The following ATG4A variants were observed in gnomAD, a reference collection of about 807,000 sequenced individuals.
ATG4A encodes cysteine protease ATG4A.
Under a neutral mutation model 38.4 loss-of-function variants are expected in ATG4A, and 22 were observed. That is an observed-to-expected ratio of 0.57 (90% CI 0.41 to 0.82). The LOEUF is 0.82. ATG4A is among the 40% of genes least tolerant of loss of function. The pLI, the probability that ATG4A is intolerant of heterozygous loss-of-function variation, is 0.00. For synonymous variants in ATG4A, 86 were observed against 100.7 expected (o/e 0.85, Z 0.88); for missense variants, 220 against 290.0 (o/e 0.76, Z 1.75).
At chrX:108,126,906 C>T (rs749347044) in intron 2 of ATG4A, 4 of 452,990 alleles carry the variant, frequency 8.8e-6, no homozygotes, top group Non-Finnish European at 1.1e-5. Flanking sequence ...GAGACATCCT[C>T]TTCAGAGGCC....
chrX:108,088,970 G>A, upstream of ATG4A: 1 of 489,047 alleles, frequency 2.0e-6, no homozygotes, highest in Middle Eastern at 3.7e-4. Flanking sequence ...TGGATCCTCA[G>A]GTAGGTAACC....
rs935930949 is a variant in ATG4A at position 108,109,683 on chromosome X, C to T, written c.11-16394C>T. 4.5e-5 allele frequency among the ~76,000 whole-genome samples: 5 copies of T among 112,096 alleles called. No homozygotes were observed. In the South Asian group the frequency reaches 1.9e-3, roughly 42 times the overall value. On this transcript the variant is annotated intron_variant, in intron 1 of 12. Coordinates refer to ENST00000372232, the MANE Select transcript of ATG4A (RefSeq NM_052936.5). The stretch of plus-strand genomic sequence containing the variant: ...TATATGCTAAGGGTCCAACTTCATA[C>T]TTCTGTATGTGGATATCCATTGTCC...
At chrX:108,120,821 C>T (rs2032629816) in intron 1 of ATG4A, among the ~76,000 whole-genome samples, 1 of 111,927 alleles carries the variant, frequency 8.9e-6, no homozygotes, top group African/African-American at 3.2e-5. Context: ...CTGCTAACAC[C>T]AGTCAGTTAA....
intron 1 of ATG4A, among the ~76,000 whole-genome samples, chrX:108,097,618 C>T (rs956801648): frequency 8.0e-4 from 90 of 111,961 alleles, no homozygotes; most frequent in African/African-American, 2.9e-3. Context: ...GAGATCATTT[C>T]CCCCCACTTG....
chrX:108,141,068 A>G (rs1602668180), intron 9 of ATG4A, among the ~76,000 whole-genome samples: 2 of 29,491 alleles, frequency 6.8e-5, no homozygotes, highest in Non-Finnish European at 1.3e-4. Flanking sequence ...GTGTATATAT[A>G]TACATATATA....
upstream of ATG4A, chrX:108,091,507 A>G (rs1482852301): frequency 5.8e-6 from 7 of 1,211,060 alleles, no homozygotes; most frequent in Non-Finnish European, 7.8e-6. Context: ...TAGGTTAGAC[A>G]CACACCCCTC....
intron 1 of ATG4A, among the ~76,000 whole-genome samples, chrX:108,116,091 C>T (rs923492547): frequency 3.6e-5 from 4 of 111,713 alleles, no homozygotes; most frequent in African/African-American, 1.3e-4. Flanking sequence ...ATTGTCTTTT[C>T]TTGGGCGATG....
chrX:108,091,439 C>T, upstream of ATG4A: 3 of 1,212,264 alleles, frequency 2.5e-6, no homozygotes, highest in Non-Finnish European at 2.2e-6. Context: ...GATTTATCGG[C>T]CAGAATACTC....
At chrX:108,151,991 C>T in intron 11 of ATG4A, 133 bp downstream of exon 11, 2 of 616,541 alleles carry the variant, frequency 3.2e-6, no homozygotes, top group Non-Finnish European at 2.4e-6. Context: ...ACTAAGGCAA[C>T]AAAGAAACTA....
In ATG4A at chrX:108,128,825, A is replaced by G; in HGVS notation, c.166A>G (p.Thr56Ala). The part of the protein sequence containing the change: ...LSDISARLWF[T>A]YRRKFSPIGG... ...TGATATAAGTGCTCGTCTATGGTTT[A>G]CATACAGAAGGAAATTTTCACCAAT... Residue 56 changes from threonine to alanine, a missense_variant, in exon 3 of 13, where the codon ACA (threonine) becomes GCA (alanine). By Grantham distance (58) the Thr-to-Ala change is moderately conservative (BLOSUM62 0). Coordinates refer to ENST00000372232, the MANE Select transcript of ATG4A (RefSeq NM_052936.5). 3 of 1,187,482 alleles carry G rather than the reference A, an allele frequency of 2.5e-6. No individual in the cohort carries two copies. The highest frequency in any genetic ancestry group is 3.4e-6 in the Non-Finnish European group (3 of 883,342).
chrX:108,094,924 G>A (rs995978115), intron 1 of ATG4A, among the ~76,000 whole-genome samples: 2 of 112,224 alleles, frequency 1.8e-5, no homozygotes, highest in African/African-American at 6.5e-5. Flanking sequence ...AAATTCTTAT[G>A]GAAATAGATA....
At chrX:108,093,213 A>G (rs971356109) in intron 1 of ATG4A, among the ~76,000 whole-genome samples, 3 of 111,714 alleles carry the variant, frequency 2.7e-5, no homozygotes, top group African/African-American at 9.8e-5. Context: ...TTTATAGTTA[A>G]TCAATCCTCT....
chrX:108,111,554 G>C (rs1385109072), intron 1 of ATG4A, among the ~76,000 whole-genome samples: 1 of 111,755 alleles, frequency 8.9e-6, no homozygotes, highest in East Asian at 2.8e-4. Flanking sequence ...AAGAAAGGGA[G>C]CACCAGGCTT....
At chrX:108,119,513 A>G (rs776980092) in intron 1 of ATG4A, among the ~76,000 whole-genome samples, 36 of 111,696 alleles carry the variant, frequency 3.2e-4, no homozygotes, top group Admixed American at 9.5e-5. Flanking sequence ...GATCTTTTCT[A>G]TTCTATTCAA....
chrX:108,103,843 T>C (rs1284434612), intron 1 of ATG4A, among the ~76,000 whole-genome samples: 1 of 112,663 alleles, frequency 8.9e-6, no homozygotes, highest in Non-Finnish European at 1.9e-5. Flanking sequence ...TGTATAGTTA[T>C]AGGTATTTTT....
intron 4 of ATG4A, among the ~76,000 whole-genome samples, chrX:108,133,224 C>A (rs1234218417): frequency 8.9e-6 from 1 of 112,396 alleles, no homozygotes; most frequent in Non-Finnish European, 1.9e-5. Context: ...CTCTTTAAAA[C>A]CTCAGGAGAA....
intron 9 of ATG4A, among the ~76,000 whole-genome samples, chrX:108,145,398 G>A (rs771886103): frequency 8.9e-6 from 1 of 112,765 alleles, no homozygotes; most frequent in East Asian, 2.8e-4. Flanking sequence ...TCATGGACAG[G>A]AATGGACAAA....
chrX:108,104,832 T>G (rs1382031443), intron 1 of ATG4A, among the ~76,000 whole-genome samples: 1 of 111,508 alleles, frequency 9.0e-6, no homozygotes, highest in Non-Finnish European at 1.9e-5. Flanking sequence ...ACTGATTTTT[T>G]GTTCCTCTGA....
chrX:108,102,518 T>C (rs1407521934), intron 1 of ATG4A, among the ~76,000 whole-genome samples: 1 of 112,069 alleles, frequency 8.9e-6, no homozygotes, highest in Admixed American at 9.5e-5. Flanking sequence ...TGTTGTTTCC[T>C]TTGCTCTACT....
Sources: gnomAD v4.1 joint callset for allele counts (sites outside exome capture counted in the v4.1 genomes callset) on GRCh38, gnomAD v4.1.1 for gene constraint, MANE v1.5 for transcripts, NCBI Gene and HGNC (gene_info 2026-07-23, HGNC 2026-07-21) for gene names.